RINT1: variants seen among roughly 807,000 people sequenced by gnomAD.
RINT1 encodes RAD50-interacting protein 1.
A neutral mutation model predicts 97.7 loss-of-function variants in RINT1; 75 were observed. The ratio of observed to expected loss-of-function variants is 0.77; its 90% CI spans 0.64 to 0.93. The LOEUF (loss-of-function observed/expected upper bound fraction) is 0.93, where lower values mean the gene tolerates loss of function less well. Ranked by LOEUF, RINT1 falls within the 40% of genes least tolerant of loss-of-function variation. The probability of loss-of-function intolerance (pLI) is 0.00; values close to 1 mark genes in which losing one functional copy is unlikely to be tolerated. For missense variants in RINT1, 892 were observed against 925.2 expected (o/e 0.96, Z 0.47); for synonymous variants, 303 against 326.3 (o/e 0.93, Z 0.77).
chr7:105,535,380 C>T (rs888969117), intron 2 of RINT1, among the ~76,000 whole-genome samples: 10 of 151,900 alleles, frequency 6.6e-5, no homozygotes, highest in African/African-American at 2.4e-4. Context: ...TAAGCGTGCA[C>T]CGCCATGCCC....
At chr7:105,545,185 C>T (rs1790610598) in intron 4 of RINT1, among the ~76,000 whole-genome samples, 1 of 151,934 alleles carries the variant, frequency 6.6e-6, no homozygotes, top group African/African-American at 2.4e-5. Flanking sequence ...GGCATGGTGG[C>T]TCATGCCGTA....
intron 11 of RINT1, among the ~76,000 whole-genome samples, chr7:105,558,782 A>G (rs1027658417): frequency 1.3e-5 from 2 of 148,318 alleles, no homozygotes; most frequent in African/African-American, 5.0e-5. Flanking sequence ...CAGCATAGGG[A>G]GACCCTGTCT....
At chr7:105,551,459 A>G (rs1396549885) in intron 9 of RINT1, 111 bp from the exon 10 acceptor site, 1 of 886,486 alleles carries the variant, frequency 1.1e-6, no homozygotes, top group Non-Finnish European at 1.7e-6. Context: ...GGGATATTGT[A>G]GGTTTGTTTC....
At chr7:105,563,665 CAT>C in intron 11 of RINT1, 66 bp from the exon 12 acceptor site, 1 of 1,275,824 alleles carries the variant, frequency 7.8e-7, no homozygotes, top group Non-Finnish European at 1.1e-6. Flanking sequence ...AATTGTATGA[CAT>C]ATGAATTCTA....
At position 105,563,762 on chromosome 7, in the gene RINT1, G is replaced by C; in HGVS notation, c.1701G>C (p.Leu567=). Reference sequence around the variant, plus strand: ...TTCTACAACTTCAACAGGCTGCACTGGAGGTGTTTGCAGAGAATAATACTC... The same window carrying C: ...TTCTACAACTTCAACAGGCTGCACTCGAGGTGTTTGCAGAGAATAATACTC... ...VFFLQLQQAA[L]EVFAENNTLS... is the part of the protein sequence containing the mutation. The change falls in exon 12 of 15, where the codon CTG becomes CTC. Residue 567 remains leucine, a synonymous_variant. Coordinates refer to ENST00000257700, the MANE Select transcript of RINT1 (RefSeq NM_021930.6). 6.2e-7 allele frequency: 1 copy of C among 1,614,112 alleles called. No homozygotes were observed. The highest frequency in any genetic ancestry group is 8.5e-7 in the Non-Finnish European group (1 of 1,179,954).
At chr7:105,538,122 A>G (rs996508322) in intron 3 of RINT1, among the ~76,000 whole-genome samples, 1 of 151,708 alleles carries the variant, frequency 6.6e-6, no homozygotes, top group African/African-American at 2.4e-5. Context: ...CCTCCCGAGT[A>G]GCTGGGACTA....
At chr7:105,543,872 C>T (rs1383423942) in intron 4 of RINT1, among the ~76,000 whole-genome samples, 1 of 151,390 alleles carries the variant, frequency 6.6e-6, no homozygotes, top group Non-Finnish European at 1.5e-5. Flanking sequence ...GGGCAGATCA[C>T]GAGGTCAGGA....
rs144041553 is a variant in RINT1, at chr7:105,532,473, C to A, written c.42+116C>A. 1.3e-4 allele frequency: 155 copies of A among 1,224,780 alleles called. No homozygotes were observed. The African/African-American group carries it at 1.9e-3, about 15-fold the overall frequency. 75.9% of individuals were successfully genotyped at this position (1,224,780 alleles called of 1,614,324 possible). A position where few individuals can be genotyped will look rare whatever the true frequency, so the allele number is the denominator to read the frequency against. ...CCCTGTAAGCTTGTGAAGGTGCTTC[C>A]TGCGGCTTAGATTAGAGGCCCTTGT... On this transcript the variant is annotated intron_variant, in intron 1 of 14. Transcript: ENST00000257700.
chr7:105,536,407 C>T (rs747073200), intron 2 of RINT1, among the ~76,000 whole-genome samples, 158 bp from the exon 3 acceptor site: 9 of 152,188 alleles, frequency 5.9e-5, no homozygotes, highest in Non-Finnish European at 1.3e-4. Context: ...GATGCACCTG[C>T]CTCAGCCTCC....
At chr7:105,545,394 A>G (rs1790620445) in intron 4 of RINT1, among the ~76,000 whole-genome samples, 1 of 151,304 alleles carries the variant, frequency 6.6e-6, no homozygotes, top group Admixed American at 6.6e-5. Flanking sequence ...TTAAGATTGC[A>G]ATGAGCCGTG....
At chr7:105,535,919 G>A (rs1562839270) in intron 2 of RINT1, among the ~76,000 whole-genome samples, 1 of 152,062 alleles carries the variant, frequency 6.6e-6, no homozygotes, top group Non-Finnish European at 1.5e-5. Context: ...ATTTTGAAAA[G>A]GTATTATTCC....
intron 7 of RINT1, among the ~76,000 whole-genome samples, chr7:105,549,563 G>A (rs1179127691): frequency 6.6e-6 from 1 of 151,818 alleles, no homozygotes; most frequent in Non-Finnish European, 1.5e-5. Flanking sequence ...TGACCAGTCT[G>A]GTCTTGAACT....
intron 3 of RINT1, among the ~76,000 whole-genome samples, chr7:105,539,638 G>A (rs1192369029): frequency 6.6e-6 from 1 of 152,110 alleles, no homozygotes; most frequent in Admixed American, 6.6e-5. Context: ...AAAGTGCTGG[G>A]ATTACAGGCG....
intron 7 of RINT1, 127 bp downstream of exon 7, chr7:105,548,837 T>C: frequency 1.2e-6 from 1 of 835,590 alleles, no homozygotes; most frequent in Non-Finnish European, 1.9e-6. Flanking sequence ...AGGGCTACAT[T>C]CCTGTTTTGT....
chr7:105,540,838 CTT>C (rs56336226), intron 3 of RINT1, among the ~76,000 whole-genome samples: 31 of 134,152 alleles, frequency 2.3e-4, no homozygotes, highest in Admixed American at 4.5e-4. Context: ...TCTTTGTTTC[CTT>C]TTTTTTTTTT....
At chr7:105,546,840 A>C (rs1021371895) in intron 4 of RINT1, 70 bp from the exon 5 acceptor site, 1 of 1,147,512 alleles carries the variant, frequency 8.7e-7, no homozygotes, top group African/African-American at 1.5e-5. Context: ...ATGCCACTGC[A>C]CTCCAACCTG....
chr7:105,543,180 G>C (rs1280297660), intron 4 of RINT1, among the ~76,000 whole-genome samples: 1 of 152,074 alleles, frequency 6.6e-6, no homozygotes, highest in South Asian at 2.1e-4. Flanking sequence ...ATGAGCTACC[G>C]CGTCCGGCCA....
intron 4 of RINT1, among the ~76,000 whole-genome samples, chr7:105,546,024 T>C (rs544841567): frequency 1.6e-3 from 242 of 151,258 alleles, no homozygotes; most frequent in African/African-American, 5.1e-3. Context: ...GGGGGGCGTT[T>C]CACCAAGTTG....
Position 105,565,644 on chromosome 7 carries a change from A to T in RINT1, c.2182A>T (p.Lys728Ter), listed in dbSNP as rs2133481694. 1 of 1,568,018 alleles carries T rather than the reference A, an allele frequency of 6.4e-7. No individual in the cohort carries two copies. The highest frequency in any genetic ancestry group is 8.8e-7 in the Non-Finnish European group (1 of 1,139,652). Reference protein sequence around the residue: ...HYCKRPENYFKHIKEACIVLN... With the variant: ...HYCKRPENYF ...TTGCAAGAGACCAGAAAATTATTTT[A>T]AACAGTAAGCTCAACATTTAACAAT... is the stretch of plus-strand genomic sequence containing the variant. Residue 728 changes from lysine (K) to a stop codon, truncating the protein, a stop_gained, in exon 14 of 15, where the codon AAA becomes TAA. Transcript: ENST00000257700. LOFTEE classifies it high-confidence loss of function.
Sources: allele counts gnomAD v4.1 joint callset (sites outside exome capture counted in the v4.1 genomes callset), GRCh38; gene constraint gnomAD v4.1.1; transcripts MANE v1.5; gene names NCBI Gene and HGNC (gene_info 2026-07-23, HGNC 2026-07-21).